CNTN5: variants seen among roughly 807,000 people sequenced by gnomAD.
CNTN5 encodes contactin 5, also known as contactin-5.
In CNTN5, 77 loss-of-function variants were observed where a neutral mutation model predicts 129.1. The ratio of observed to expected loss-of-function variants is 0.60; its 90% CI spans 0.50 to 0.72. The LOEUF (loss-of-function observed/expected upper bound fraction) is 0.72. Ranked by LOEUF, CNTN5 falls within the 30% of genes least tolerant of loss-of-function variation. The pLI is 0.00. For missense variants in CNTN5, 1,478 were observed against 1,328.8 expected, an observed-to-expected ratio of 1.11 and a Z score of -1.75; for synonymous variants, 509 against 465.6, an observed-to-expected ratio of 1.09 and a Z score of -1.20.
chr11:99,050,992 T>C (rs745752676), intron 1 of CNTN5, among the ~76,000 whole-genome samples: 4 of 151,924 alleles, frequency 2.6e-5, no homozygotes, highest in Non-Finnish European at 5.9e-5. Context: ...ATCATAAGCA[T>C]ACATGTATAT....
intron 2 of CNTN5, among the ~76,000 whole-genome samples, chr11:99,392,840 A>G (rs1941333071): frequency 6.6e-6 from 1 of 151,936 alleles, no homozygotes; most frequent in Non-Finnish European, 1.5e-5. Context: ...ATCATTCCAT[A>G]TCTAATGTTG....
chr11:99,373,711 C>CAAAAAAAAA (rs57363059), intron 2 of CNTN5, among the ~76,000 whole-genome samples: 1 of 95,996 alleles, frequency 1.0e-5, no homozygotes, highest in Admixed American at 1.3e-4. Context: ...AACTCCGTCT[C>CAAAAAAAAA]AAAAAAAAAA....
At chr11:99,852,711 A>AT (rs1268274162) in intron 6 of CNTN5, among the ~76,000 whole-genome samples, 1 of 152,198 alleles carries the variant, frequency 6.6e-6, no homozygotes, top group African/African-American at 2.4e-5. Flanking sequence ...CACAGGGTAT[A>AT]TTTTATCATA....
chr11:99,712,021 G>A (rs1955012604), intron 3 of CNTN5, among the ~76,000 whole-genome samples: 1 of 151,956 alleles, frequency 6.6e-6, no homozygotes, highest in Non-Finnish European at 1.5e-5. Flanking sequence ...TAGGTCAAAT[G>A]GTACTTCTAG....
At chr11:99,097,570 T>C (rs1323142133) in intron 1 of CNTN5, among the ~76,000 whole-genome samples, 1 of 151,936 alleles carries the variant, frequency 6.6e-6, no homozygotes, top group East Asian at 1.9e-4. Context: ...ATAATAAATT[T>C]CTTCATATTT....
At chr11:99,477,522 C>T (rs1945420580) in intron 2 of CNTN5, among the ~76,000 whole-genome samples, 1 of 151,676 alleles carries the variant, frequency 6.6e-6, no homozygotes, top group Admixed American at 6.6e-5. Flanking sequence ...TAAAATTTCA[C>T]ATATATAGAG....
At position 100,084,978 on chromosome 11, in the gene CNTN5, A is replaced by C. The variant is rs892557099; in HGVS notation, c.1580+10684A>C. ...ACAAATTGATTGTGTGCACAGGGGC[A>C]TCACAGAAAGAAAAGTGAGTACCCA... On this transcript the variant is annotated intron_variant, in intron 13 of 24. Coordinates refer to ENST00000524871, the MANE Select transcript of CNTN5 (RefSeq NM_014361.4). Among the ~76,000 whole-genome samples, 8 of 152,244 alleles carry C rather than the reference A, an allele frequency of 5.3e-5. No individual in the cohort carries two copies. In the South Asian group the frequency reaches 1.7e-3, roughly 32 times the overall value.
chr11:99,793,267 G>A (rs1945818160), intron 3 of CNTN5, among the ~76,000 whole-genome samples: 1 of 152,070 alleles, frequency 6.6e-6, no homozygotes, highest in Non-Finnish European at 1.5e-5. Flanking sequence ...CACCGTGTTA[G>A]CCAGGATGGT....
chr11:100,238,069 A>G (rs2138671485), intron 16 of CNTN5, among the ~76,000 whole-genome samples: 1 of 152,324 alleles, frequency 6.6e-6, no homozygotes, highest in South Asian at 2.1e-4. Context: ...TGGGAGTGGA[A>G]AAGTAAAGGT....
At chr11:99,837,966 TTTAATC>T (rs1458127346) in intron 4 of CNTN5, among the ~76,000 whole-genome samples, 1 of 152,066 alleles carries the variant, frequency 6.6e-6, no homozygotes, top group Non-Finnish European at 1.5e-5. Flanking sequence ...AACTTCAAAT[TTTAATC>T]TTAAAATATG....
chr11:100,036,759 G>A (rs987545595), intron 9 of CNTN5, among the ~76,000 whole-genome samples: 12 of 145,236 alleles, frequency 8.3e-5, no homozygotes, highest in African/African-American at 1.3e-4. Flanking sequence ...TCATGATTTG[G>A]CTCTCTGTTT....
At chr11:100,012,731 T>G (rs1359515720) in intron 9 of CNTN5, among the ~76,000 whole-genome samples, 2 of 152,158 alleles carry the variant, frequency 1.3e-5, no homozygotes, top group Non-Finnish European at 2.9e-5. Context: ...ATTTTTACTT[T>G]GTCACAGCAA....
At chr11:99,947,232 T>TG (rs1565708320) in intron 7 of CNTN5, among the ~76,000 whole-genome samples, 1 of 150,856 alleles carries the variant, frequency 6.6e-6, no homozygotes, top group Admixed American at 6.6e-5. Flanking sequence ...AGAACTCAAC[T>TG]AAAAAAAACC....
intron 6 of CNTN5, among the ~76,000 whole-genome samples, chr11:99,897,123 T>A (rs946627962): frequency 1.1e-4 from 17 of 152,014 alleles, no homozygotes; most frequent in East Asian, 3.9e-4. Context: ...AAGAAAAAAA[T>A]TTAAAAAACA....
chr11:99,758,023 T>A (rs554557930), intron 3 of CNTN5, among the ~76,000 whole-genome samples: 1 of 152,194 alleles, frequency 6.6e-6, no homozygotes, highest in East Asian at 1.9e-4. Context: ...AACAAAATAC[T>A]AATCTTTACC....
chr11:99,248,826 C>G (rs1283661012), intron 1 of CNTN5, among the ~76,000 whole-genome samples: 2 of 152,036 alleles, frequency 1.3e-5, no homozygotes, highest in East Asian at 1.9e-4. Flanking sequence ...TGGTCTGTAT[C>G]TCTGTTTTGG....
intron 2 of CNTN5, among the ~76,000 whole-genome samples, chr11:99,425,984 A>G (rs977513864): frequency 6.6e-6 from 1 of 152,272 alleles, no homozygotes; most frequent in Non-Finnish European, 1.5e-5. Flanking sequence ...GCAATCTAAC[A>G]TAATTATAAT....
chr11:100,194,488 C>A (rs548464089), intron 15 of CNTN5, among the ~76,000 whole-genome samples: 1 of 151,842 alleles, frequency 6.6e-6, no homozygotes, highest in East Asian at 1.9e-4. Context: ...TTATTAGTAT[C>A]AGTTGATCCA....
Position 99,108,543 on chromosome 11 carries a change from C to T in CNTN5, c.-210+87273C>T, listed in dbSNP as rs117667710. Reference sequence around the variant, plus strand: ...TATATTTTTTTAACTATACACTCCACGACATGGTTTAGTTTTATAAACATC... The same window carrying T: ...TATATTTTTTTAACTATACACTCCATGACATGGTTTAGTTTTATAAACATC... On this transcript the variant is annotated intron_variant, in intron 1 of 24. Transcript: ENST00000524871. Among the ~76,000 whole-genome samples the T allele has an allele frequency of 2.0e-3, 300 of 152,150 alleles. 1 individual carries two copies. Among genetic ancestry groups the T allele is most frequent in the East Asian group, 0.013 (65 of 5,180 alleles).
Sources: allele counts gnomAD v4.1 joint callset (sites outside exome capture counted in the v4.1 genomes callset), GRCh38; gene constraint gnomAD v4.1.1; transcripts MANE v1.5; gene names NCBI Gene and HGNC (gene_info 2026-07-23, HGNC 2026-07-21).